The following CIDEC variants were observed in gnomAD, a reference collection of about 807,000 sequenced individuals.
CIDEC encodes lipid transferase CIDEC.
A neutral mutation model predicts 21.9 loss-of-function variants in CIDEC; 11 were observed. The ratio of observed to expected loss-of-function variants is 0.50; its 90% confidence interval spans 0.32 to 0.83. The LOEUF (loss-of-function observed/expected upper bound fraction) is 0.83, where lower values mean the gene tolerates loss of function less well. Ranked by LOEUF, CIDEC falls within the 40% of genes least tolerant of loss-of-function variation. The pLI is 0.04. For synonymous variants in CIDEC, 127 were observed against 124.9 expected (o/e 1.02, Z -0.11); for missense variants, 302 against 302.3 (o/e 1.00, Z 0.01).
intron 3 of CIDEC, 75 bp from the exon 4 acceptor site, chr3:9,877,294 CCCACCCCT>C: frequency 7.2e-7 from 1 of 1,393,896 alleles, no homozygotes; most frequent in Non-Finnish European, 9.9e-7. Context: ...GAGCCACCTC[CCCACCCCT>C]CCTGACTGGG....
In CIDEC at chr3:9,866,975, C is replaced by T; in HGVS notation, c.*159G>A. On this transcript the variant is annotated 3_prime_UTR_variant, in exon 7 of 7. Transcript: ENST00000336832. ...AGGTTCTCCTTTGGCCAACCCACCC[C>T]AGGTTTCCAGCTCCTCCTCCTCACT... The T allele has an allele frequency of 1.2e-6, 1 of 840,338 alleles. No individual in the cohort carries two copies. Among genetic ancestry groups the T allele is most frequent in the African/African-American group, 1.7e-5 (1 of 60,108 alleles). The allele number at this position is 840,338 out of a possible 1,614,324, so 52.1% of individuals were successfully genotyped here.
At chr3:9,879,160 A>T (rs1190035067) in intron 1 of CIDEC, 106 bp from the exon 2 acceptor site, 1 of 72,692 alleles carries the variant, frequency 1.4e-5, no homozygotes, top group Non-Finnish European at 2.7e-5. Context: ...TCAGGAGCTG[A>T]ATTTTTTTTT....
At chr3:9,879,611 C>T (rs568532006) in intron 1 of CIDEC, among the ~76,000 whole-genome samples, 3 of 152,150 alleles carry the variant, frequency 2.0e-5, no homozygotes, top group Non-Finnish European at 4.4e-5. Flanking sequence ...ACTTTTTCTC[C>T]TAAACCTCTG....
intron 3 of CIDEC, among the ~76,000 whole-genome samples, chr3:9,877,727 C>T (rs1264498587): frequency 6.6e-6 from 1 of 152,120 alleles, no homozygotes; most frequent in African/African-American, 2.4e-5. Flanking sequence ...CTTCGAAGGA[C>T]ACATAAGTCA....
Position 9,877,077 on chromosome 3 carries a change from G to A in CIDEC, c.196C>T (p.Leu66Phe). Residue 66 changes from leucine (L) to phenylalanine (F), a missense_variant, in exon 4 of 7, where the codon CTC becomes TTC. By Grantham distance (22) the Leu-to-Phe change is conservative. Transcript: ENST00000336832. ...KGIMAYSLED[L>F]LLKVRDTLML... ...GCAGGTGCTCTCACCTTGAGGAGGA[G>A]GTCCTCAAGACTGTAAGCCATGATG... 1 of 1,551,802 alleles carries A rather than the reference G, an allele frequency of 6.4e-7. No individual in the cohort carries two copies. The highest frequency in any genetic ancestry group is 8.7e-7 in the Non-Finnish European group (1 of 1,146,564).
chr3:9,872,839 A>T (rs2082366987), intron 4 of CIDEC, among the ~76,000 whole-genome samples: 1 of 152,106 alleles, frequency 6.6e-6, no homozygotes, highest in African/African-American at 2.4e-5. Flanking sequence ...ATTACAAAAA[A>T]TTAGCTGGGC....
chr3:9,872,006 T>C (rs2082355045), intron 4 of CIDEC, among the ~76,000 whole-genome samples: 1 of 152,092 alleles, frequency 6.6e-6, no homozygotes, highest in South Asian at 2.1e-4. Context: ...AGATAGGATC[T>C]CACCATGTTG....
intron 2 of CIDEC, 68 bp downstream of exon 2, chr3:9,878,874 C>G (rs1421289843): frequency 6.7e-7 from 1 of 1,485,602 alleles, no homozygotes; most frequent in East Asian, 2.5e-5. Context: ...TCCATGGGGA[C>G]AGAGTCCACT....
At chr3:9,868,101 C>T (rs979992090) in intron 6 of CIDEC, among the ~76,000 whole-genome samples, 6 of 152,216 alleles carry the variant, frequency 3.9e-5, no homozygotes, top group Admixed American at 1.3e-4. Flanking sequence ...AATTCTAGAG[C>T]GATGTGCAAA....
chr3:9,877,197 C>G lies in CIDEC; in HGVS notation c.76G>C (p.Val26Leu). Residue 26 changes from valine to leucine, a missense_variant, in exon 4 of 7, where the codon GTG becomes CTG. Val to Leu is a conservative substitution (Grantham distance 32). Transcript: ENST00000336832. ...TCCGACAGCAGCTGCTGGGTCACCA[C>G]AGAGGTACGCACTGACACATGCCTG... ...LSRHVSVRTS[V>L]VTQQLLSEPS... 6.4e-7 allele frequency: 1 copy of G among 1,550,528 alleles called. No individual in the cohort carries two copies. The highest frequency in any genetic ancestry group is 1.2e-5 in the South Asian group (1 of 84,010).
chr3:9,875,996 G>A (rs529575924), intron 4 of CIDEC, among the ~76,000 whole-genome samples: 2 of 152,336 alleles, frequency 1.3e-5, no homozygotes, highest in East Asian at 1.9e-4. Flanking sequence ...CAAAGGAGGG[G>A]AAATTGGCTC....
chr3:9,879,944 AC>A (rs1308782425), intron 1 of CIDEC, among the ~76,000 whole-genome samples: 1 of 152,136 alleles, frequency 6.6e-6, no homozygotes, highest in Non-Finnish European at 1.5e-5. Context: ...TGGACATAAA[AC>A]AAAAGTCCCC....
Sources: allele counts gnomAD v4.1 joint callset (sites outside exome capture counted in the v4.1 genomes callset), GRCh38; gene constraint gnomAD v4.1.1; transcripts MANE v1.5; gene names NCBI Gene and HGNC (gene_info 2026-07-23, HGNC 2026-07-21).